HTR1E: variants seen among roughly 807,000 people sequenced by gnomAD.
The protein encoded by HTR1E is 5-hydroxytryptamine receptor 1E.
HTR1E carries 3 observed loss-of-function variants against 3.4 expected under a neutral mutation model. The ratio of observed to expected loss-of-function variants is 0.89; its 90% CI spans 0.41 to 2.31. HTR1E has a LOEUF of 2.31. HTR1E is among the 30% of genes most tolerant of loss of function. The pLI is 0.05. For missense variants in HTR1E, 392 were observed against 467.0 expected (o/e 0.84, Z 1.48); for synonymous variants, 170 against 182.8 (o/e 0.93, Z 0.56).
chr6:86,952,451 A>G (rs1767258525), intron 1 of HTR1E, among the ~76,000 whole-genome samples: 1 of 152,024 alleles, frequency 6.6e-6, no homozygotes, highest in Non-Finnish European at 1.5e-5. Context: ...CAGACACCCC[A>G]AAAAAGTTGT....
chr6:87,002,732 T>C (rs116046201), intron 1 of HTR1E, among the ~76,000 whole-genome samples: 1,705 of 152,322 alleles, frequency 0.011, 33 homozygotes, highest in African/African-American at 0.038. Context: ...GGTGGGTTTA[T>C]AATCCTCTAG....
At chr6:86,951,314 C>T (rs1054382192) in intron 1 of HTR1E, among the ~76,000 whole-genome samples, 21 of 152,274 alleles carry the variant, frequency 1.4e-4, no homozygotes, top group East Asian at 7.7e-4. Context: ...CCTTTAACTA[C>T]GTACTTTACC....
At chr6:87,010,004 C>T (rs1227553690) in intron 1 of HTR1E, among the ~76,000 whole-genome samples, 22 of 116,262 alleles carry the variant, frequency 1.9e-4, no homozygotes, top group Admixed American at 2.5e-4. Context: ...GCTGGCCGGG[C>T]GGAGGGCTGA....
At chr6:86,990,252 C>A (rs1767854167) in intron 1 of HTR1E, among the ~76,000 whole-genome samples, 1 of 152,158 alleles carries the variant, frequency 6.6e-6, no homozygotes, top group Non-Finnish European at 1.5e-5. Context: ...CCTCAAGCAC[C>A]AGCTAGCTTA....
chr6:86,964,720 C>A (rs1021150879), intron 1 of HTR1E, among the ~76,000 whole-genome samples: 2 of 152,054 alleles, frequency 1.3e-5, no homozygotes, highest in African/African-American at 4.8e-5. Context: ...AAATAATGAT[C>A]CACAGTACTG....
chr6:86,974,073 C>T (rs757568484), intron 1 of HTR1E, among the ~76,000 whole-genome samples: 1 of 152,170 alleles, frequency 6.6e-6, no homozygotes, highest in Non-Finnish European at 1.5e-5. Flanking sequence ...ATACCCACAG[C>T]TGGAAGTAAT....
At chr6:86,961,805 G>A (rs1767412179) in intron 1 of HTR1E, among the ~76,000 whole-genome samples, 1 of 152,212 alleles carries the variant, frequency 6.6e-6, no homozygotes, top group Non-Finnish European at 1.5e-5. Context: ...CTAGCTATAT[G>A]AATTCTCATG....
chr6:86,979,726 TGAA>T (rs1287075933), intron 1 of HTR1E, among the ~76,000 whole-genome samples: 1 of 151,974 alleles, frequency 6.6e-6, no homozygotes, highest in Non-Finnish European at 1.5e-5. Context: ...AAAAGGTAAT[TGAA>T]GAGATTTTAA....
At chr6:86,971,049 C>A (rs1179205612) in intron 1 of HTR1E, 2 of 509,236 alleles carry the variant, frequency 3.9e-6, no homozygotes, top group Non-Finnish European at 7.8e-6. Context: ...GAAAACACTT[C>A]AAAGAAGCAA....
intron 1 of HTR1E, among the ~76,000 whole-genome samples, chr6:86,999,714 T>C (rs1353089875): frequency 6.6e-6 from 1 of 152,198 alleles, no homozygotes; most frequent in Non-Finnish European, 1.5e-5. Context: ...GAATAGCGCT[T>C]GGGAAATGCA....
At chr6:86,945,269 CAG>C (rs1417136115) in intron 1 of HTR1E, among the ~76,000 whole-genome samples, 10 of 151,906 alleles carry the variant, frequency 6.6e-5, no homozygotes, top group African/African-American at 9.7e-5. Context: ...TTGTTTGAGA[CAG>C]AGTCTCAGTC....
chr6:87,015,406 C>T lies in HTR1E; in HGVS notation c.72C>T (p.Leu24=). The change falls in exon 2 of 2, where the codon CTC becomes CTT. Residue 24 remains leucine, a synonymous_variant. Coordinates refer to ENST00000305344, the MANE Select transcript of HTR1E (RefSeq NM_000865.3). ...IRPKTITEKM[L]ICMTLVVITT... ...CCAAGACCATCACTGAGAAGATGCT[C>T]ATTTGCATGACTCTGGTGGTCATCA... 6.2e-7 allele frequency: 1 copy of T among 1,612,318 alleles called. No individual in the cohort carries two copies. The highest frequency in any genetic ancestry group is 1.1e-5 in the South Asian group (1 of 90,944).
At chr6:86,978,979 T>C (rs1767676300) in intron 1 of HTR1E, among the ~76,000 whole-genome samples, 1 of 152,244 alleles carries the variant, frequency 6.6e-6, no homozygotes, top group African/African-American at 2.4e-5. Context: ...TGGAGAATTC[T>C]GATGTTCTTT....
intron 1 of HTR1E, among the ~76,000 whole-genome samples, chr6:86,968,982 AT>A (rs901862450): frequency 6.6e-6 from 1 of 152,138 alleles, no homozygotes; most frequent in East Asian, 1.9e-4. Context: ...ATCTAACTTT[AT>A]TTTTTTAATA....
At chr6:86,951,212 T>G (rs1767235423) in intron 1 of HTR1E, among the ~76,000 whole-genome samples, 1 of 152,182 alleles carries the variant, frequency 6.6e-6, no homozygotes, top group Non-Finnish European at 1.5e-5. Flanking sequence ...TACGGATAAT[T>G]TCTTCCTAAC....
At chr6:86,945,042 G>A (rs890587314) in intron 1 of HTR1E, among the ~76,000 whole-genome samples, 1 of 151,898 alleles carries the variant, frequency 6.6e-6, no homozygotes, top group African/African-American at 2.4e-5. Context: ...GTGAAAAGAA[G>A]TTTAACTGTA....
chr6:86,941,827 A>G (rs1768550096), intron 1 of HTR1E, among the ~76,000 whole-genome samples: 1 of 151,772 alleles, frequency 6.6e-6, no homozygotes, highest in African/African-American at 2.4e-5. Flanking sequence ...GGGAGGGAGG[A>G]AGGGAGCAAG....
intron 1 of HTR1E, among the ~76,000 whole-genome samples, chr6:86,965,130 C>G (rs1027343020): frequency 1.3e-5 from 2 of 152,176 alleles, no homozygotes; most frequent in African/African-American, 4.8e-5. Flanking sequence ...GACTCAGCAT[C>G]CCGGGGCTTT....
At chr6:86,995,964 C>T (rs1261651327) in intron 1 of HTR1E, among the ~76,000 whole-genome samples, 1 of 151,598 alleles carries the variant, frequency 6.6e-6, no homozygotes, top group East Asian at 1.9e-4. Flanking sequence ...ATAGCACCTG[C>T]AAAATACGTG....
Sources: gnomAD v4.1 joint callset for allele counts (sites outside exome capture counted in the v4.1 genomes callset) on GRCh38, gnomAD v4.1.1 for gene constraint, MANE v1.5 for transcripts, NCBI Gene and HGNC (gene_info 2026-07-23, HGNC 2026-07-21) for gene names.